The following WT1 variants were observed in gnomAD, a reference collection of about 807,000 sequenced individuals.
WT1 encodes the protein WT1 transcription factor, also known as Wilms tumor protein.
WT1 carries 8 observed loss-of-function variants against 60.8 expected under a neutral mutation model. The observed-to-expected ratio is 0.13, with a 90% CI of 0.08 to 0.24. The LOEUF (loss-of-function observed/expected upper bound fraction) is 0.24. WT1 is among the 10% of genes least tolerant of loss of function. WT1 has a pLI of 1.00. For synonymous variants in WT1, 312 were observed against 297.1 expected (o/e 1.05, Z -0.52); for missense variants, 568 against 711.8 (o/e 0.80, Z 2.30).
intron 5 of WT1, among the ~76,000 whole-genome samples, chr11:32,413,287 T>C (rs1439704787): frequency 6.6e-6 from 1 of 152,246 alleles, no homozygotes; most frequent in Non-Finnish European, 1.5e-5. Context: ...TTAACATTGA[T>C]TTCAAACAGT....
chr11:32,422,595 T>A (rs964392113), intron 3 of WT1, among the ~76,000 whole-genome samples: 2 of 152,190 alleles, frequency 1.3e-5, no homozygotes, highest in Non-Finnish European at 2.9e-5. Flanking sequence ...ACCCAAGTGG[T>A]AGATCGGCAC....
chr11:32,391,167 T>C (rs2132909820), intron 9 of WT1, among the ~76,000 whole-genome samples: 1 of 152,218 alleles, frequency 6.6e-6, no homozygotes, highest in East Asian at 1.9e-4. Context: ...GTATTTTTTG[T>C]AGAGACAGGG....
intron 5 of WT1, among the ~76,000 whole-genome samples, chr11:32,402,168 C>T (rs1025734132): frequency 6.6e-6 from 1 of 152,184 alleles, no homozygotes; most frequent in Non-Finnish European, 1.5e-5. Context: ...ACTGCCTGCC[C>T]CTCTAACCTA....
At chr11:32,406,865 G>A (rs113145610) in intron 5 of WT1, among the ~76,000 whole-genome samples, 5 of 152,230 alleles carry the variant, frequency 3.3e-5, no homozygotes, top group African/African-American at 9.6e-5. Context: ...TTGGGAGGCC[G>A]AGGTGGGCGG....
intron 1 of WT1, among the ~76,000 whole-genome samples, chr11:32,433,288 T>G (rs1458021925): frequency 2.0e-5 from 3 of 152,264 alleles, no homozygotes; most frequent in Non-Finnish European, 4.4e-5. Context: ...CCCTTGGGTC[T>G]GCTTGCGGTT....
intron 3 of WT1, among the ~76,000 whole-genome samples, chr11:32,419,008 T>A (rs1168308263): frequency 6.6e-6 from 1 of 152,072 alleles, no homozygotes; most frequent in African/African-American, 2.4e-5. Context: ...CCGTCACTCA[T>A]CCCCGTGTCT....
chr11:32,413,041 A>G (rs1852552852), intron 5 of WT1, among the ~76,000 whole-genome samples: 1 of 152,202 alleles, frequency 6.6e-6, no homozygotes, highest in African/African-American at 2.4e-5. Flanking sequence ...TGCTTGGGAT[A>G]CAAGGAAACA....
At chr11:32,404,326 C>T (rs1372773852) in intron 5 of WT1, among the ~76,000 whole-genome samples, 2 of 150,076 alleles carry the variant, frequency 1.3e-5, no homozygotes, top group African/African-American at 4.9e-5. Flanking sequence ...TGTTTTGTTT[C>T]CTAGTAGACT....
At chr11:32,432,040 A>T (rs1379815735) in intron 1 of WT1, among the ~76,000 whole-genome samples, 1 of 152,206 alleles carries the variant, frequency 6.6e-6, no homozygotes, top group African/African-American at 2.4e-5. Flanking sequence ...CATTGTCTTA[A>T]TTAATATTCA....
chr11:32,392,633 C>T (rs1260434240), intron 8 of WT1, 33 bp downstream of exon 8: 5 of 1,597,490 alleles, frequency 3.1e-6, no homozygotes, highest in Non-Finnish European at 4.3e-6. Context: ...CAAGGGAACA[C>T]AGCTGCCAGC....
intron 1 of WT1, 64 bp downstream of exon 1, chr11:32,434,636 C>T (rs1458541140): frequency 1.2e-6 from 2 of 1,609,928 alleles, no homozygotes; most frequent in Admixed American, 1.7e-5. Context: ...AGGGGGGTGT[C>T]CTAGAGCGGA....
At chr11:32,395,299 C>T (rs535819483) in intron 7 of WT1, among the ~76,000 whole-genome samples, 5 of 152,346 alleles carry the variant, frequency 3.3e-5, no homozygotes, top group Admixed American at 3.3e-4. Flanking sequence ...CCCACACTCC[C>T]ACCTAGTGCC....
Position 32,389,029 on chromosome 11 carries a change from G to C in WT1, c.*29C>G, listed in dbSNP as rs759275928. On this transcript the variant is annotated 3_prime_UTR_variant, in exon 10 of 10. Coordinates refer to ENST00000452863, the MANE Select transcript of WT1 (RefSeq NM_024426.6). ...GCAGTTCACACACTGTGCTGCCTGGGACACTGAACGGTCCCCGAGGGAGAC... is the reference window on the plus strand; with the variant it reads ...GCAGTTCACACACTGTGCTGCCTGGCACACTGAACGGTCCCCGAGGGAGAC... The C allele has an allele frequency of 6.2e-7, 1 of 1,614,096 alleles. No individual in the cohort carries two copies.
intron 1 of WT1, among the ~76,000 whole-genome samples, chr11:32,433,285 G>A (rs5030148): frequency 1.3e-5 from 2 of 152,366 alleles, no homozygotes; most frequent in South Asian, 4.1e-4. Flanking sequence ...CAACCCTTGG[G>A]TCTGCTTGCG....
At chr11:32,417,169 T>C (rs1467933018) in intron 4 of WT1, among the ~76,000 whole-genome samples, 1 of 152,184 alleles carries the variant, frequency 6.6e-6, no homozygotes. Flanking sequence ...GACTGTGAAT[T>C]GCCCAGATCA....
rs1851851496 is a variant in WT1 at position 32,392,670 on chromosome 11, A to G, written c.1350T>C (p.His450=). 1.9e-6 allele frequency: 3 copies of G among 1,613,924 alleles called. No homozygotes were observed. In the African/African-American group the frequency reaches 4.0e-5, roughly 22 times the overall value. Reference sequence around the variant, plus strand: ...ATGAGAAGTGAACCTACAAACCTGTATGTCTCCTTTGGTGTCTTTTGAGCT... The same window carrying G: ...ATGAGAAGTGAACCTACAAACCTGTGTGTCTCCTTTGGTGTCTTTTGAGCT... Residue 450 remains histidine, a synonymous_variant, in exon 8 of 10, where the codon CAT becomes CAC. Transcript: ENST00000452863.
rs1853451078 is a variant in WT1, at chr11:32,434,952, G to C, written c.409C>G (p.Pro137Ala). 1 of 1,568,136 alleles carries C rather than the reference G, an allele frequency of 6.4e-7. No homozygotes were observed. Residue 137 changes from proline (P) to alanine (A), a missense_variant, in exon 1 of 10, where the codon CCG becomes GCG. By Grantham distance (27) the Pro-to-Ala change is conservative. This residue lies in a region of WT1 where 523 missense variants were observed against 565.1 expected (regional missense o/e 0.93). Coordinates refer to ENST00000452863, the MANE Select transcript of WT1 (RefSeq NM_024426.6). ...ATGAAGGAGTGAGGCGGCGGCGGCGGGGGTGGCGGCGGAGCCGGTGGCGGC... is the reference window on the plus strand; with the variant it reads ...ATGAAGGAGTGAGGCGGCGGCGGCGCGGGTGGCGGCGGAGCCGGTGGCGGC...
chr11:32,398,555 TAAG>T (rs1287596411), intron 6 of WT1, among the ~76,000 whole-genome samples: 3 of 152,292 alleles, frequency 2.0e-5, no homozygotes, highest in African/African-American at 7.2e-5. Context: ...TCTGCCTCCC[TAAG>T]AAGCAGTATC....
chr11:32,396,380 G>A lies in WT1; in HGVS notation c.1141C>T (p.Pro381Ser), dbSNP rs754938612. The A allele has an allele frequency of 1.1e-5, 18 of 1,613,990 alleles. No individual in the cohort carries two copies. In the South Asian group the frequency reaches 1.9e-4, roughly 17 times the overall value. Residue 381 changes from proline to serine, a missense_variant, in exon 7 of 10, where the codon CCG (proline) becomes TCG (serine). Pro to Ser is a moderately conservative substitution (Grantham distance 74, BLOSUM62 -1). Transcript: ENST00000452863. ...TCAGATGCCGACCGTACAAGAGTCG[G>A]GGCTACTCCAGGCACACGTCGCACA... is the stretch of plus-strand genomic sequence containing the variant.
Sources: allele counts gnomAD v4.1 joint callset (sites outside exome capture counted in the v4.1 genomes callset), GRCh38; gene constraint gnomAD v4.1.1; regional missense constraint gnomAD v4.1.1; transcripts MANE v1.5; gene names NCBI Gene and HGNC (gene_info 2026-07-23, HGNC 2026-07-21).